The following LPIN1 variants were observed in gnomAD, a reference collection of about 807,000 sequenced individuals.
The protein encoded by LPIN1 is phosphatidate phosphatase LPIN1.
Under a neutral mutation model 107.5 loss-of-function variants are expected in LPIN1, and 71 were observed. The observed-to-expected ratio is 0.66, with a 90% confidence interval of 0.55 to 0.80. LPIN1 has a LOEUF of 0.80. LPIN1 is among the 30% of genes least tolerant of loss of function. LPIN1 has a pLI of 0.00. For missense variants in LPIN1, 1,043 were observed against 1,160.6 expected (o/e 0.90, Z 1.47); for synonymous variants, 445 against 452.6 (o/e 0.98, Z 0.21).
intron 1 of LPIN1, among the ~76,000 whole-genome samples, chr2:11,754,625 C>A (rs1668383885): frequency 6.6e-6 from 1 of 152,192 alleles, no homozygotes; most frequent in Non-Finnish European, 1.5e-5. Context: ...GTAGCCACCT[C>A]CTATGGGAGG....
Position 11,804,564 on chromosome 2 carries a change from A to G in LPIN1, c.2155A>G (p.Ile719Val), listed in dbSNP as rs752985875. The part of the protein sequence containing the change: ...KVIISDIDGT[I>V]TRSDTLGHIL... ...CATCATTTCTGATATTGATGGGACA[A>G]TTACCAGGTAGGTCCTGCTGACTTG... The change falls in exon 16 of 21, where the codon ATT becomes GTT. Residue 719 changes from isoleucine (I) to valine (V), a missense_variant. Transcript: ENST00000674199. The G allele has an allele frequency of 3.1e-6, 5 of 1,614,202 alleles. No homozygotes were observed. Among genetic ancestry groups the G allele is most frequent in the Non-Finnish European group, 4.2e-6 (5 of 1,180,038 alleles).
intron 4 of LPIN1, among the ~76,000 whole-genome samples, chr2:11,772,085 C>T (rs1007757398): frequency 6.6e-6 from 1 of 152,178 alleles, no homozygotes; most frequent in Non-Finnish European, 1.5e-5. Flanking sequence ...GCCCAGATCC[C>T]TCACATGTGC....
At chr2:11,751,775 C>G (rs1298025886) in intron 1 of LPIN1, among the ~76,000 whole-genome samples, 1 of 152,168 alleles carries the variant, frequency 6.6e-6, no homozygotes, top group Non-Finnish European at 1.5e-5. Context: ...TGGCGTGAAC[C>G]TGGGAGGCGG....
At chr2:11,706,654 A>G (rs571534487) in intron 1 of LPIN1, among the ~76,000 whole-genome samples, 3 of 152,234 alleles carry the variant, frequency 2.0e-5, no homozygotes, top group Non-Finnish European at 2.9e-5. Flanking sequence ...GCATTATTAA[A>G]TATTATAACA....
chr2:11,731,252 G>A (rs771549567), intron 1 of LPIN1, among the ~76,000 whole-genome samples: 38 of 150,130 alleles, frequency 2.5e-4, no homozygotes, highest in Non-Finnish European at 3.8e-4. Flanking sequence ...GACTGGCCCC[G>A]GTGTGTGTTG....
chr2:11,754,085 G>A (rs1370983955), intron 1 of LPIN1, among the ~76,000 whole-genome samples: 2 of 152,186 alleles, frequency 1.3e-5, no homozygotes, highest in African/African-American at 2.4e-5. Flanking sequence ...CTGGGGAGCC[G>A]ACAGTGCCTT....
At chr2:11,754,928 T>A (rs1572590026) in intron 1 of LPIN1, among the ~76,000 whole-genome samples, 1 of 152,222 alleles carries the variant, frequency 6.6e-6, no homozygotes, top group African/African-American at 2.4e-5. Context: ...CTTGTGAAAT[T>A]TATGCTCTGG....
intron 1 of LPIN1, among the ~76,000 whole-genome samples, chr2:11,680,254 G>A (rs563638272): frequency 9.2e-5 from 14 of 152,182 alleles, no homozygotes; most frequent in African/African-American, 3.4e-4. Flanking sequence ...TTCATTCCTG[G>A]GGCTGGAAAA....
At chr2:11,709,256 CATT>C (rs1320491454) in intron 1 of LPIN1, among the ~76,000 whole-genome samples, 1 of 152,190 alleles carries the variant, frequency 6.6e-6, no homozygotes, top group Non-Finnish European at 1.5e-5. Flanking sequence ...AAGGGGGTAT[CATT>C]GTTGGAATCA....
At chr2:11,782,171 C>T (rs1673673911) in intron 7 of LPIN1, 30 bp from the exon 8 acceptor site, 6 of 1,571,296 alleles carry the variant, frequency 3.8e-6, no homozygotes, top group Non-Finnish European at 5.3e-6. Context: ...CCTTGTCTCT[C>T]TCTCTGTCCC....
intron 20 of LPIN1, among the ~76,000 whole-genome samples, chr2:11,822,721 C>A (rs1315966088): frequency 6.6e-6 from 1 of 152,136 alleles, no homozygotes; most frequent in Non-Finnish European, 1.5e-5. Flanking sequence ...ACAGCCAAAC[C>A]ATATCAGGAT....
At chr2:11,733,877 T>C (rs1665523436) in intron 1 of LPIN1, among the ~76,000 whole-genome samples, 1 of 152,182 alleles carries the variant, frequency 6.6e-6, no homozygotes, top group Admixed American at 6.5e-5. Flanking sequence ...CAAGTTCCAT[T>C]GTACAAAAAG....
chr2:11,690,491 C>T (rs1022095279), intron 1 of LPIN1, among the ~76,000 whole-genome samples: 1 of 152,298 alleles, frequency 6.6e-6, no homozygotes, highest in African/African-American at 2.4e-5. Context: ...CTTTTTTACT[C>T]ATCACTCGTT....
At chr2:11,812,215 G>A (rs2148716009) in intron 17 of LPIN1, among the ~76,000 whole-genome samples, 1 of 152,306 alleles carries the variant, frequency 6.6e-6, no homozygotes, top group East Asian at 1.9e-4. Context: ...CACTCATTCA[G>A]CAAATATTCA....
chr2:11,711,421 G>C (rs907444079), intron 1 of LPIN1, among the ~76,000 whole-genome samples: 6 of 152,186 alleles, frequency 3.9e-5, no homozygotes, highest in Non-Finnish European at 7.4e-5. Context: ...CAAGGATCCA[G>C]ATTGGATACA....
At chr2:11,755,823 G>A (rs1413729167) in intron 1 of LPIN1, among the ~76,000 whole-genome samples, 2 of 151,780 alleles carry the variant, frequency 1.3e-5, no homozygotes, top group South Asian at 2.1e-4. Flanking sequence ...CTGGGTTCAA[G>A]CGACTCTCCT....
chr2:11,785,115 C>G lies in LPIN1; in HGVS notation c.1549+39C>G, dbSNP rs200024088. 3.4e-6 allele frequency: 5 copies of G among 1,477,776 alleles called. No homozygotes were observed. The East Asian group carries it at 9.3e-5, about 28-fold the overall frequency. 91.5% of individuals were successfully genotyped at this position (1,477,776 alleles called of 1,614,324 possible). A position where few individuals can be genotyped will look rare whatever the true frequency, so the allele number is the denominator to read the frequency against. On this transcript the variant is annotated intron_variant, in intron 10 of 20. Coordinates refer to ENST00000674199, the MANE Select transcript of LPIN1 (RefSeq NM_001349206.2). Reference sequence around the variant, plus strand: ...CGCGCGGGCGCCCTCTGGTGGCCGCCGGTCAGAAGGCGCAGAGGCTTAGGC... The same window carrying G: ...CGCGCGGGCGCCCTCTGGTGGCCGCGGGTCAGAAGGCGCAGAGGCTTAGGC...
upstream of LPIN1, chr2:11,745,293 A>G (rs1387964836): frequency 6.6e-6 from 1 of 152,246 alleles, no homozygotes; most frequent in Non-Finnish European, 1.5e-5. Flanking sequence ...AGCCACCATC[A>G]TGTCCCCCGG....
In LPIN1 at chr2:11,774,776, A is replaced by G. The variant is rs372598106; in HGVS notation, c.722+1031A>G. ...GACATGGAGGTTGGAGAGAAAATAG[A>G]TATGTCCCATGCCTGGTTTCCAGCC... On this transcript the variant is annotated intron_variant, in intron 5 of 20. Coordinates refer to ENST00000674199, the MANE Select transcript of LPIN1 (RefSeq NM_001349206.2). This position sits in a 1 kb window ranked among gnomAD's most constrained non-coding sequence, Gnocchi z 4.4. Among the ~76,000 whole-genome samples, 19 of 152,182 alleles carry G rather than the reference A, an allele frequency of 1.2e-4. No individual in the cohort carries two copies. In the East Asian group the frequency reaches 2.3e-3, roughly 19 times the overall value.
Sources: gnomAD v4.1 joint callset for allele counts (sites outside exome capture counted in the v4.1 genomes callset) on GRCh38, gnomAD v4.1.1 for gene constraint, Gnocchi (gnomAD v3.1) non-coding constraint, MANE v1.5 for transcripts, NCBI Gene and HGNC (gene_info 2026-07-23, HGNC 2026-07-21) for gene names.